Variants in FBXW8 observed in about 807,000 individuals in gnomAD.
The protein encoded by FBXW8 is F-box/WD repeat-containing protein 8.
A neutral mutation model predicts 65.3 loss-of-function variants in FBXW8; 57 were observed. The observed-to-expected ratio is 0.87, with a 90% CI of 0.71 to 1.09. The LOEUF (loss-of-function observed/expected upper bound fraction) is 1.09, where lower values mean the gene tolerates loss of function less well. Among genes scored for constraint, FBXW8 ranks in the 50% least tolerant of loss-of-function variants. The pLI, the probability that FBXW8 is intolerant of heterozygous loss-of-function variation, is 0.00. For synonymous variants in FBXW8, 308 were observed against 330.2 expected (o/e 0.93, Z 0.73); for missense variants, 777 against 814.8 (o/e 0.95, Z 0.57).
At chr12:116,978,779 A>C (rs1885117261) in intron 5 of FBXW8, 1 of 152,246 alleles carries the variant, frequency 6.6e-6, no homozygotes, top group Admixed American at 6.5e-5. Context: ...TGCATGGAAA[A>C]GATCAAAGGG....
intron 2 of FBXW8, among the ~76,000 whole-genome samples, chr12:116,943,310 T>C (rs1056687676): frequency 6.6e-6 from 1 of 152,226 alleles, no homozygotes; most frequent in Non-Finnish European, 1.5e-5. Flanking sequence ...ACATTTTAAA[T>C]AATGGAAACT....
At chr12:116,997,802 T>C (rs1953411707) in intron 7 of FBXW8, among the ~76,000 whole-genome samples, 1 of 152,100 alleles carries the variant, frequency 6.6e-6, no homozygotes, top group Admixed American at 6.5e-5. Context: ...TTCCCAAGAA[T>C]TGTTTTTGTT....
intron 3 of FBXW8, among the ~76,000 whole-genome samples, chr12:116,946,677 G>A (rs1399388092): frequency 6.6e-6 from 1 of 152,020 alleles, no homozygotes; most frequent in African/African-American, 2.4e-5. Context: ...ACTAAGACAG[G>A]TCACGCTGGC....
chr12:116,931,104 G>A (rs577692255), intron 2 of FBXW8, among the ~76,000 whole-genome samples: 9 of 152,304 alleles, frequency 5.9e-5, no homozygotes, highest in African/African-American at 2.2e-4. Context: ...TTCTGTATGT[G>A]GATATCCAGT....
intron 4 of FBXW8, among the ~76,000 whole-genome samples, chr12:116,960,010 G>A (rs1408208326): frequency 6.6e-6 from 1 of 152,162 alleles, no homozygotes; most frequent in Non-Finnish European, 1.5e-5. Context: ...ATCAACATTG[G>A]GTTCCAAAGG....
intron 5 of FBXW8, among the ~76,000 whole-genome samples, chr12:116,971,973 T>C (rs1206955406): frequency 6.6e-6 from 1 of 152,236 alleles, no homozygotes; most frequent in Non-Finnish European, 1.5e-5. Flanking sequence ...CACAGACTAA[T>C]GGATGACCAG....
intron 7 of FBXW8, among the ~76,000 whole-genome samples, chr12:117,005,097 A>C (rs7302025): frequency 6.6e-6 from 1 of 152,114 alleles, no homozygotes; most frequent in African/African-American, 2.4e-5. Context: ...GCACTCTGGC[A>C]TCTGAATAGT....
intron 4 of FBXW8, among the ~76,000 whole-genome samples, chr12:116,957,405 A>G (rs1302251780): frequency 6.6e-6 from 1 of 152,202 alleles, no homozygotes; most frequent in African/African-American, 2.4e-5. Flanking sequence ...AAATATGAAT[A>G]GTAGCTTTAA....
intron 8 of FBXW8, among the ~76,000 whole-genome samples, chr12:117,014,735 A>G (rs71469784): frequency 0.028 from 4,215 of 152,286 alleles, 181 homozygotes; most frequent in African/African-American, 0.087. Flanking sequence ...CATGTGCCAC[A>G]TGGGTTGGCA....
intron 2 of FBXW8, among the ~76,000 whole-genome samples, chr12:116,941,497 A>C (rs1370530823): frequency 1.3e-5 from 2 of 152,252 alleles, no homozygotes; most frequent in Non-Finnish European, 2.9e-5. Context: ...TTGTGTGCAC[A>C]CATATATAGC....
chr12:116,941,596 G>A (rs1294374220), intron 2 of FBXW8, among the ~76,000 whole-genome samples: 3 of 152,214 alleles, frequency 2.0e-5, no homozygotes, highest in African/African-American at 7.2e-5. Flanking sequence ...GTTGAATAAG[G>A]TATTGTAATG....
At position 117,027,419 on chromosome 12, in the gene FBXW8, A is replaced by G. The variant is rs147449897; in HGVS notation, c.1567A>G (p.Ser523Gly). 6.8e-4 allele frequency: 1,093 copies of G among 1,614,098 alleles called. 6 individuals carry two copies. In the African/African-American group the frequency reaches 0.012, roughly 18 times the overall value. Residue 523 changes from serine to glycine, a missense_variant, in exon 10 of 11, where the codon AGC (serine) becomes GGC (glycine). Physicochemically the swap from Ser to Gly is moderately conservative, Grantham distance 56. Coordinates refer to ENST00000652555, the MANE Select transcript of FBXW8 (RefSeq NM_153348.3). ...GCACCCGGTGCAGCACATCTCATTCAGCAGCCACAGCCTCATCACGGCCAA... is the reference window on the plus strand; with the variant it reads ...GCACCCGGTGCAGCACATCTCATTCGGCAGCCACAGCCTCATCACGGCCAA... ...SGHPVQHISF[S>G]SHSLITANVP...
intron 4 of FBXW8, among the ~76,000 whole-genome samples, chr12:116,960,158 C>T (rs975295355): frequency 1.3e-5 from 2 of 152,230 alleles, no homozygotes; most frequent in Non-Finnish European, 2.9e-5. Context: ...GTTCTTGCTG[C>T]TCCTGGCCAA....
At chr12:116,979,935 G>A (rs1885195145) in intron 5 of FBXW8, among the ~76,000 whole-genome samples, 1 of 152,096 alleles carries the variant, frequency 6.6e-6, no homozygotes, top group East Asian at 1.9e-4. Flanking sequence ...TTGTCTCCTT[G>A]CCCTGAGGTC....
intron 1 of FBXW8, among the ~76,000 whole-genome samples, chr12:116,921,381 C>T (rs1221034511): frequency 6.6e-6 from 1 of 152,184 alleles, no homozygotes; most frequent in Non-Finnish European, 1.5e-5. Flanking sequence ...TTTTTGTGGA[C>T]TGCTTGGGAG....
chr12:116,991,582 G>C (rs1026194096), intron 7 of FBXW8, among the ~76,000 whole-genome samples: 3 of 152,202 alleles, frequency 2.0e-5, no homozygotes, highest in African/African-American at 7.2e-5. Flanking sequence ...GTTTTATTAG[G>C]CTGGTGTGAG....
rs922412443 is a variant in FBXW8, at chr12:116,913,556, A to G, written c.318+2201A>G. Among the ~76,000 whole-genome samples, 3 of 152,336 alleles carry G rather than the reference A, an allele frequency of 2.0e-5. No individual in the cohort carries two copies. In the South Asian group the frequency reaches 6.2e-4, roughly 32 times the overall value. ...AATTATAAGAGAAAATGTATTTACT[A>G]TTCATTAAGTGAAAGTGGCTCATCA... On this transcript the variant is annotated intron_variant, in intron 1 of 10. Transcript: ENST00000652555.
At chr12:116,967,891 T>A (rs1020413033) in intron 5 of FBXW8, among the ~76,000 whole-genome samples, 12 of 152,192 alleles carry the variant, frequency 7.9e-5, no homozygotes, top group African/African-American at 2.9e-4. Context: ...CTCAGCCTCC[T>A]GAGTAGCTGG....
At chr12:116,957,399 A>G (rs1225338092) in intron 4 of FBXW8, among the ~76,000 whole-genome samples, 28 of 152,172 alleles carry the variant, frequency 1.8e-4, no homozygotes, top group Admixed American at 1.8e-3. Context: ...ATGCCAAAAT[A>G]TGAATAGTAG....
Sources: allele counts gnomAD v4.1 joint callset (sites outside exome capture counted in the v4.1 genomes callset), GRCh38; gene constraint gnomAD v4.1.1; transcripts MANE v1.5; gene names NCBI Gene and HGNC (gene_info 2026-07-23, HGNC 2026-07-21).